The following SLF2 variants were observed in gnomAD, a reference collection of about 807,000 sequenced individuals.
SLF2 encodes the protein SMC5/6 complex localization factor 2.
Under a neutral mutation model 124.3 loss-of-function variants are expected in SLF2, and 68 were observed. That is an observed-to-expected ratio of 0.55 (90% CI 0.45 to 0.67). SLF2 has a LOEUF of 0.67. Among genes scored for constraint, SLF2 ranks in the 30% least tolerant of loss-of-function variants. The pLI, the probability that SLF2 is intolerant of heterozygous loss-of-function variation, is 0.00. For missense variants in SLF2, 1,246 were observed against 1,373.7 expected, an observed-to-expected ratio of 0.91 and a Z score of 1.47; for synonymous variants, 480 against 478.8, an observed-to-expected ratio of 1.00 and a Z score of -0.03.
In SLF2 at chr10:100,926,017, A is replaced by G; in HGVS notation, c.2040A>G (p.Gln680=). 1.2e-6 allele frequency: 2 copies of G among 1,614,100 alleles called. No homozygotes were observed. The highest frequency in any genetic ancestry group is 8.5e-7 in the Non-Finnish European group (1 of 1,179,986). Residue 680 remains glutamine, a splice_region_variant and synonymous_variant, in exon 6 of 20, where the codon CAA becomes CAG. Transcript: ENST00000238961. ...TAGTGAAGGAAATGGAAGACACACA[A>G]AGGTTTGTTAGCATAAAGATTAATT... The part of the protein sequence containing the change: ...ERLVKEMEDT[Q]RLDELQKQLQ...
chr10:100,944,796 G>A (rs548056859), intron 12 of SLF2, among the ~76,000 whole-genome samples: 98 of 152,240 alleles, frequency 6.4e-4, no homozygotes, highest in South Asian at 3.3e-3. Context: ...AGGCCAAGAC[G>A]GGTGGATCAC....
intron 10 of SLF2, among the ~76,000 whole-genome samples, chr10:100,937,949 A>G (rs1216056181): frequency 6.6e-6 from 1 of 152,208 alleles, no homozygotes; most frequent in Non-Finnish European, 1.5e-5. Context: ...TCAGTTAAAC[A>G]ACGAGTATCT....
chr10:100,956,314 C>T (rs894472098), intron 17 of SLF2, 137 bp from the exon 18 acceptor site: 12 of 610,876 alleles, frequency 2.0e-5, no homozygotes, highest in South Asian at 4.7e-5. Flanking sequence ...ACTACTGTTA[C>T]GTTGAATAGT....
chr10:100,941,733 G>A (rs1399831431), intron 11 of SLF2, among the ~76,000 whole-genome samples: 1 of 152,096 alleles, frequency 6.6e-6, no homozygotes, highest in Non-Finnish European at 1.5e-5. Flanking sequence ...AGTGTTTGCT[G>A]TGTGCCAGAC....
rs1850191474 is a variant in SLF2, at chr10:100,950,562, G to C, written c.3253-114G>C. 1.5e-5 allele frequency: 13 copies of C among 844,212 alleles called. No homozygotes were observed. The East Asian group carries it at 3.4e-4, about 22-fold the overall frequency. The allele number at this position is 844,212 out of a possible 1,614,324, so 52.3% of individuals were successfully genotyped here. ...TTCGCTTTTACTTACTGACCAGCTG[G>C]GTTAACTTGACCGTATCCTTTATCC... On this transcript the variant is annotated intron_variant, in intron 16 of 19. Coordinates refer to ENST00000238961, the MANE Select transcript of SLF2 (RefSeq NM_018121.4).
At chr10:100,944,625 CA>C (rs1474116099) in intron 12 of SLF2, among the ~76,000 whole-genome samples, 1 of 151,662 alleles carries the variant, frequency 6.6e-6, no homozygotes, top group East Asian at 1.9e-4. Context: ...TAGTGATGAA[CA>C]GAACTTTAAG....
intron 9 of SLF2, among the ~76,000 whole-genome samples, chr10:100,937,151 C>T (rs1849879441): frequency 6.6e-6 from 1 of 152,098 alleles, no homozygotes; most frequent in African/African-American, 2.4e-5. Flanking sequence ...TCCTCCACTA[C>T]AGGTGTGCGC....
Position 100,932,594 on chromosome 10 carries a change from G to T in SLF2, c.2436+1516G>T, listed in dbSNP as rs561263011. 2.6e-5 allele frequency among the ~76,000 whole-genome samples: 4 copies of T among 152,202 alleles called. No individual in the cohort carries two copies. The South Asian group carries it at 8.3e-4, about 32-fold the overall frequency. ...TTGTTTTATATAGTTGGCATTTTGAGTGCCAGCTGTGCCAGGCACTGGAGA... is the reference window on the plus strand; with the variant it reads ...TTGTTTTATATAGTTGGCATTTTGATTGCCAGCTGTGCCAGGCACTGGAGA... On this transcript the variant is annotated intron_variant, in intron 9 of 19. Transcript: ENST00000238961.
intron 9 of SLF2, among the ~76,000 whole-genome samples, chr10:100,934,684 C>T (rs1009206862): frequency 6.6e-6 from 1 of 151,978 alleles, no homozygotes; most frequent in African/African-American, 2.4e-5. Context: ...ACGATCTCTT[C>T]TCACTGCAAC....
At chr10:100,915,472 A>G (rs567535238) in intron 1 of SLF2, among the ~76,000 whole-genome samples, 2 of 151,930 alleles carry the variant, frequency 1.3e-5, no homozygotes, top group East Asian at 3.9e-4. Flanking sequence ...CTACTGTTCT[A>G]CTCTTGTTAT....
At chr10:100,937,608 G>GC (rs1554879281) in intron 10 of SLF2, 131 bp downstream of exon 10, 1 of 593,298 alleles carries the variant, frequency 1.7e-6, no homozygotes, top group Non-Finnish European at 2.9e-6. Flanking sequence ...ATCAAAAGTC[G>GC]TTTTTTTTGG....
Position 100,942,320 on chromosome 10 carries a change from C to G in SLF2, c.2655-1706C>G, listed in dbSNP as rs117688604. Among the ~76,000 whole-genome samples the G allele has an allele frequency of 2.1e-3, 316 of 152,180 alleles. 2 individuals are homozygous for G. The highest frequency in any genetic ancestry group is 2.8e-3 in the Non-Finnish European group (189 of 68,016). The stretch of plus-strand genomic sequence containing the variant: ...CTACAGTCCTCCTCCCATTTATGTT[C>G]AATAATATGCTAGAATGGCTCACAG... On this transcript the variant is annotated intron_variant, in intron 11 of 19. Coordinates refer to ENST00000238961, the MANE Select transcript of SLF2 (RefSeq NM_018121.4).
At chr10:100,923,176 G>A (rs907300807) in intron 4 of SLF2, among the ~76,000 whole-genome samples, 1 of 152,078 alleles carries the variant, frequency 6.6e-6, no homozygotes, top group Non-Finnish European at 1.5e-5. Flanking sequence ...TAGTTTCCTA[G>A]GGCTGCCATA....
Position 100,916,798 on chromosome 10 carries a change from T to TA in SLF2, c.414dup (p.Ala139SerfsTer43), listed in dbSNP as rs1849422905. 6.2e-7 allele frequency: 1 copy of TA among 1,613,880 alleles called. No homozygotes were observed. The highest frequency in any genetic ancestry group is 1.3e-5 in the African/African-American group (1 of 74,878). ...GAGTCACGTCGGCCTTGTCTGTCAC[T>TA]AGCCTCCAAATATTTAGCCAAAGGA... On this transcript the variant is annotated frameshift_variant, in exon 3 of 20. Transcript: ENST00000238961. LOFTEE classifies it high-confidence loss of function.
chr10:100,916,508 T>C, intron 2 of SLF2, 62 bp from the exon 3 acceptor site: 2 of 1,183,282 alleles, frequency 1.7e-6, no homozygotes, highest in Non-Finnish European at 2.1e-6. Context: ...CATTAATAAT[T>C]TAGATAAATA....
rs192995970 is a variant in SLF2 at position 100,956,754 on chromosome 10, A to G, written c.3417+217A>G. 5.1e-3 allele frequency among the ~76,000 whole-genome samples: 779 copies of G among 152,196 alleles called. 5 individuals carry two copies. Among genetic ancestry groups the G allele is most frequent in the Non-Finnish European group, 8.0e-3 (542 of 68,006 alleles). On this transcript the variant is annotated intron_variant, in intron 18 of 19. Transcript: ENST00000238961. ...AGCCTGGGCAACATAGCAAGACTCC[A>G]TCTCTACAAAAATTTTTGAAAAATA...
intron 11 of SLF2, among the ~76,000 whole-genome samples, chr10:100,940,450 C>T (rs1849947886): frequency 6.6e-6 from 1 of 152,138 alleles, no homozygotes; most frequent in Admixed American, 6.5e-5. Context: ...ACCTCCACCT[C>T]CCAGCCTCAA....
chr10:100,956,896 G>A (rs1301530485), intron 18 of SLF2, among the ~76,000 whole-genome samples: 1 of 152,164 alleles, frequency 6.6e-6, no homozygotes, highest in Non-Finnish European at 1.5e-5. Context: ...TGGCACTCCA[G>A]CCTGGGAGAT....
At position 100,924,262 on chromosome 10, in the gene SLF2, A is replaced by G; in HGVS notation, c.1261A>G (p.Arg421Gly). ...NSGNSGHHST[R>G]NSDQIQVAGT... ...TGGCAATTCTGGCCACCATTCTACC[A>G]GGAATAGTGACCAAATCCAAGTGGC... is the stretch of plus-strand genomic sequence containing the variant. Residue 421 changes from arginine to glycine, a missense_variant, in exon 5 of 20, where the codon AGG becomes GGG. Arg to Gly is a moderately radical substitution (Grantham distance 125). Transcript: ENST00000238961. The G allele has an allele frequency of 6.2e-7, 1 of 1,614,176 alleles. No individual in the cohort carries two copies. Among genetic ancestry groups the G allele is most frequent in the Non-Finnish European group, 8.5e-7 (1 of 1,180,026 alleles).
Sources: allele counts gnomAD v4.1 joint callset (sites outside exome capture counted in the v4.1 genomes callset), GRCh38; gene constraint gnomAD v4.1.1; transcripts MANE v1.5; gene names NCBI Gene and HGNC (gene_info 2026-07-23, HGNC 2026-07-21).